Variants in CCDC144A observed in about 807,000 individuals in gnomAD.
CCDC144A encodes coiled-coil domain-containing protein 144A.
CCDC144A carries 41 observed loss-of-function variants against 143.8 expected under a neutral mutation model. That is an observed-to-expected ratio of 0.29 (90% CI 0.22 to 0.37). The LOEUF is 0.37. CCDC144A is among the 10% of genes least tolerant of loss of function. CCDC144A has a pLI of 1.00. For missense variants in CCDC144A, 637 were observed against 1,488.8 expected (o/e 0.43, Z 9.41); for synonymous variants, 242 against 517.9 (o/e 0.47, Z 7.23).
chr17:16,673,463 C>T, the CCDC144A span, among the ~76,000 whole-genome samples: 1 of 151,568 alleles, frequency 6.6e-6, no homozygotes, highest in Non-Finnish European at 1.5e-5. Context: ...AGTGGCTCAC[C>T]GCAACCTCTG....
At chr17:16,677,296 A>C in the CCDC144A span, among the ~76,000 whole-genome samples, 1 of 152,134 alleles carries the variant, frequency 6.6e-6, no homozygotes, top group Non-Finnish European at 1.5e-5. Flanking sequence ...TTATGCGGGC[A>C]AATGTAGAAT....
chr17:16,669,580 A>T, the CCDC144A span, among the ~76,000 whole-genome samples: 2 of 152,242 alleles, frequency 1.3e-5, no homozygotes, highest in South Asian at 2.1e-4. Flanking sequence ...CTATGTACGA[A>T]ATATGCTAAC....
Position 16,752,202 on chromosome 17 carries a change from A to C in CCDC144A, c.3373-9223A>C, listed in dbSNP as rs559124553. ...ACATCAGTAGCGGCATTAGATTCTC[A>C]TAGGAGCGCGAGCCGTGTTGTGAAC... On this transcript the variant is annotated intron_variant, in intron 12 of 16. Coordinates refer to ENST00000399273, the MANE Select transcript of CCDC144A (RefSeq NM_001382000.1). Among the ~76,000 whole-genome samples, 351 of 152,270 alleles carry C rather than the reference A, an allele frequency of 2.3e-3. 3 individuals carry two copies. The highest frequency in any genetic ancestry group is 7.9e-3 in the African/African-American group (329 of 41,554).
At chr17:16,770,046 T>C (rs1915764222) in intron 15 of CCDC144A, among the ~76,000 whole-genome samples, 1 of 151,744 alleles carries the variant, frequency 6.6e-6, no homozygotes, top group Non-Finnish European at 1.5e-5. Flanking sequence ...CAGGCTGGTC[T>C]TGAACTCCTA....
At chr17:16,704,183 G>T (rs1337062472) in intron 2 of CCDC144A, among the ~76,000 whole-genome samples, 1 of 152,150 alleles carries the variant, frequency 6.6e-6, no homozygotes, top group Non-Finnish European at 1.5e-5. Context: ...GCCGGGCGCG[G>T]TGGCTCACGC....
At chr17:16,684,140 G>A in the CCDC144A span, 39 of 1,176,074 alleles carry the variant, frequency 3.3e-5, no homozygotes, top group Non-Finnish European at 5.0e-5. Context: ...GAAGAAAAAT[G>A]GGTGGAAGAC....
intron 12 of CCDC144A, among the ~76,000 whole-genome samples, chr17:16,739,707 G>A (rs966450019): frequency 1.2e-4 from 19 of 152,008 alleles, no homozygotes; most frequent in African/African-American, 4.6e-4. Context: ...TTGAAAATCA[G>A]TTGACCATAA....
upstream of CCDC144A, among the ~76,000 whole-genome samples, chr17:16,686,159 G>A (rs908736734): frequency 4.1e-5 from 6 of 147,804 alleles, no homozygotes; most frequent in South Asian, 6.4e-4. Context: ...CCAGTGGCGC[G>A]ATTTCAGCTC....
intron 9 of CCDC144A, among the ~76,000 whole-genome samples, chr17:16,728,226 G>A (rs1264785922): frequency 6.6e-6 from 1 of 152,080 alleles, no homozygotes; most frequent in East Asian, 1.9e-4. Flanking sequence ...TTGTAGAGAC[G>A]GGGTATCACT....
At chr17:16,686,618 CA>C (rs1401777520), upstream of CCDC144A, among the ~76,000 whole-genome samples, 2 of 150,962 alleles carry the variant, frequency 1.3e-5, no homozygotes, top group African/African-American at 4.9e-5. Flanking sequence ...CCAGCCTGGG[CA>C]ACATGGCAAG....
intron 12 of CCDC144A, among the ~76,000 whole-genome samples, chr17:16,756,926 T>C (rs1217249750): frequency 6.6e-6 from 1 of 152,156 alleles, no homozygotes; most frequent in East Asian, 1.9e-4. Context: ...TGGCTTACGG[T>C]GTGGTTGTTA....
At chr17:16,737,323 C>A (rs1470261884) in intron 12 of CCDC144A, among the ~76,000 whole-genome samples, 2 of 151,276 alleles carry the variant, frequency 1.3e-5, no homozygotes, top group South Asian at 4.2e-4. Context: ...CCCGCCACTA[C>A]GCCCGGCTAA....
At chr17:16,669,596 C>T in the CCDC144A span, among the ~76,000 whole-genome samples, 1 of 152,194 alleles carries the variant, frequency 6.6e-6, no homozygotes, top group Non-Finnish European at 1.5e-5. Context: ...CTAACCACTA[C>T]CCACATGTGG....
chr17:16,730,066 TG>T (rs1472285848), intron 9 of CCDC144A, among the ~76,000 whole-genome samples: 4 of 135,526 alleles, frequency 3.0e-5, no homozygotes, highest in Non-Finnish European at 6.2e-5. Context: ...CTCAAACTTC[TG>T]GGCTCAAGTC....
At position 16,709,039 on chromosome 17, in the gene CCDC144A, A is replaced by G; in HGVS notation, c.982A>G (p.Thr328Ala). The G allele has an allele frequency of 6.2e-7, 1 of 1,611,718 alleles. No homozygotes were observed. Among genetic ancestry groups the G allele is most frequent in the Non-Finnish European group, 8.5e-7 (1 of 1,179,644 alleles). Residue 328 changes from threonine (T) to alanine (A), a missense_variant, in exon 5 of 17, where the codon ACA becomes GCA. Thr to Ala is a moderately conservative substitution (Grantham distance 58, BLOSUM62 0). Coordinates refer to ENST00000399273, the MANE Select transcript of CCDC144A (RefSeq NM_001382000.1). ...ACTACTTGATAACTCTACAAGAGGA[A>G]CAGATGTAAAGGATATTCCCTTTAA... The part of the protein sequence containing the change: ...EPLLDNSTRG[T>A]DVKDIPFNLT...
At chr17:16,732,506 C>T in intron 10 of CCDC144A, 32 bp from the exon 11 acceptor site, 1 of 1,583,650 alleles carries the variant, frequency 6.3e-7, no homozygotes, top group Non-Finnish European at 8.6e-7. Flanking sequence ...TTTTTCAGTG[C>T]TATTAGACCA....
intron 1 of CCDC144A, among the ~76,000 whole-genome samples, chr17:16,692,732 A>G (rs1223712656): frequency 6.6e-6 from 1 of 151,820 alleles, no homozygotes; most frequent in Non-Finnish European, 1.5e-5. Flanking sequence ...GACGCTTTCC[A>G]TTATGCCAAG....
chr17:16,712,294 C>G (rs1010593131), intron 6 of CCDC144A: 1 of 162,654 alleles, frequency 6.1e-6, no homozygotes, highest in Non-Finnish European at 1.4e-5. Flanking sequence ...CAATGAGACA[C>G]CATGTTTTCT....
intron 2 of CCDC144A, among the ~76,000 whole-genome samples, chr17:16,694,946 AT>A (rs1436174366): frequency 6.6e-6 from 1 of 152,254 alleles, no homozygotes; most frequent in East Asian, 1.9e-4. Flanking sequence ...TAATGAAAGT[AT>A]AAAAATGTTT....
Sources: allele counts gnomAD v4.1 joint callset (sites outside exome capture counted in the v4.1 genomes callset), GRCh38; gene constraint gnomAD v4.1.1; transcripts MANE v1.5; gene names NCBI Gene and HGNC (gene_info 2026-07-23, HGNC 2026-07-21).